The following PKD1 variants were observed in gnomAD, a reference collection of about 807,000 sequenced individuals.
The protein encoded by PKD1 is polycystin-1.
PKD1 carries 81 observed loss-of-function variants against 361.7 expected under a neutral mutation model. The ratio of observed to expected loss-of-function variants is 0.22; its 90% CI spans 0.19 to 0.27. PKD1 has a LOEUF of 0.27. PKD1 is among the 10% of genes least tolerant of loss of function. PKD1 has a pLI of 1.00. For missense variants in PKD1, 6,399 were observed against 6,118.3 expected (o/e 1.05, Z -1.53); for synonymous variants, 3,615 against 2,818.3 (o/e 1.28, Z -8.95).
chr16:2,112,166 A>G (rs964035505), intron 14 of PKD1, among the ~76,000 whole-genome samples, 174 bp downstream of exon 14: 4 of 151,674 alleles, frequency 2.6e-5, no homozygotes, highest in African/African-American at 9.7e-5. Context: ...TTCCCTGTCC[A>G]CTCCCCCCAC....
At chr16:2,092,752 G>T in intron 38 of PKD1, 160 bp from the exon 39 acceptor site, 2 of 834,308 alleles carry the variant, frequency 2.4e-6, no homozygotes, top group Non-Finnish European at 4.0e-6. Flanking sequence ...GGGGCAGACA[G>T]TTGTCTGTCA....
chr16:2,111,653 G>T lies in PKD1; in HGVS notation c.3514C>A (p.Gln1172Lys), dbSNP rs779269089. The T allele has an allele frequency of 1.9e-6, 3 of 1,574,358 alleles. No individual in the cohort carries two copies. The South Asian group carries it at 3.5e-5, about 18-fold the overall frequency. The change falls in exon 15 of 46, where the codon CAG (glutamine) becomes AAG (lysine). Residue 1172 changes from glutamine (Q) to lysine (K), a missense_variant. By Grantham distance (53) the Gln-to-Lys change is moderately conservative. Transcript: ENST00000262304. ...GTGTGGTTGGCAGCCGGCTGGCTCT[G>T]GGTCAGGACAGGGGAGCCGTCCCCG... ...DFGDGSPVLT[Q>K]SQPAANHTYA...
rs1264514630 is a variant in PKD1, at chr16:2,129,996, A to C, written c.215+5479T>G. On this transcript the variant is annotated intron_variant, in intron 1 of 45. Coordinates refer to ENST00000262304, the MANE Select transcript of PKD1 (RefSeq NM_001009944.3). Reference sequence around the variant, plus strand: ...GGAGCTCGGGTGCCCCACATTCCCAACTGCTGCAGACACAACCAAAGCCTC... The same window carrying C: ...GGAGCTCGGGTGCCCCACATTCCCACCTGCTGCAGACACAACCAAAGCCTC... Among the ~76,000 whole-genome samples the C allele has an allele frequency of 4.6e-5, 7 of 152,154 alleles. No individual in the cohort carries two copies. The South Asian group carries it at 1.2e-3, about 27-fold the overall frequency.
In PKD1 at chr16:2,110,544, A is replaced by G. The variant is rs751989000; in HGVS notation, c.4623T>C (p.Asn1541=). ...NEVSRSEAWL[N]VTVKRRVRGL... is the part of the protein sequence containing the mutation. ...CCCGCACGCGCCGCTTCACCGTCAC[A>G]TTGAGCCAGGCCTCGCTGCGGCTCA... The change falls in exon 15 of 46, where the codon AAT becomes AAC. Residue 1541 remains asparagine (N), a synonymous_variant. Transcript: ENST00000262304. 1.2e-6 allele frequency: 2 copies of G among 1,611,704 alleles called. No individual in the cohort carries two copies. Among genetic ancestry groups the G allele is most frequent in the Admixed American group, 1.7e-5 (1 of 60,014 alleles).
chr16:2,120,256 G>A (rs1313727645), intron 1 of PKD1: 3 of 189,630 alleles, frequency 1.6e-5, no homozygotes, highest in Non-Finnish European at 2.2e-5. Flanking sequence ...AAACATCAAA[G>A]ACCAGCCGAC....
rs748404236 is a variant in PKD1, at chr16:2,103,462, C to G, written c.8595G>C (p.Arg2865=). The change falls in exon 23 of 46, where the codon CGG becomes CGC. Residue 2865 remains arginine, a synonymous_variant. Transcript: ENST00000262304. ...CGGTGATGGCGCGCTCTGAGGCCAGCCGCTCGATGGGGATCTGGGCGCCGG... is the reference window on the plus strand; with the variant it reads ...CGGTGATGGCGCGCTCTGAGGCCAGGCGCTCGATGGGGATCTGGGCGCCGG... ...TQAGAQIPIE[R]LASERAITVK... The G allele has an allele frequency of 1.9e-6, 3 of 1,600,060 alleles. No homozygotes were observed. Among genetic ancestry groups the G allele is most frequent in the South Asian group, 1.1e-5 (1 of 90,990 alleles).
intron 14 of PKD1, 107 bp from the exon 15 acceptor site, chr16:2,111,978 C>A (rs2092521439): frequency 3.3e-6 from 4 of 1,218,746 alleles, no homozygotes; most frequent in Admixed American, 3.9e-5. Context: ...GCTGCACCTG[C>A]GGCCCAGCCT....
In PKD1 at chr16:2,102,897, G is replaced by C. The variant is rs1199361266; in HGVS notation, c.8865C>G (p.His2955Gln). The change falls in exon 24 of 46, where the codon CAC becomes CAG. Residue 2955 changes from histidine (H) to glutamine (Q), a missense_variant. By Grantham distance (24) the His-to-Gln change is conservative. Transcript: ENST00000262304. ...YLHSEPRPNE[H>Q]NCSASRRIRP... ...GGATCCTCCTGCTAGCCGAGCAGTTGTGCTCATTGGGCCGGGGCTCCGAGT... is the reference window on the plus strand; with the variant it reads ...GGATCCTCCTGCTAGCCGAGCAGTTCTGCTCATTGGGCCGGGGCTCCGAGT... 1.2e-6 allele frequency: 2 copies of C among 1,609,894 alleles called. No individual in the cohort carries two copies. Among genetic ancestry groups the C allele is most frequent in the African/African-American group, 1.3e-5 (1 of 74,870 alleles).
Position 2,110,015 on chromosome 16 carries a change from C to G in PKD1, c.5152G>C (p.Val1718Leu). Residue 1718 changes from valine (V) to leucine (L), a missense_variant, in exon 15 of 46, where the codon GTG becomes CTG. Coordinates refer to ENST00000262304, the MANE Select transcript of PKD1 (RefSeq NM_001009944.3). The part of the protein sequence containing the change: ...ADCTMDFVEP[V>L]GWLMVAASPN... ...GAGGCGGCCACCATCAGCCACCCCA[C>G]AGGCTCCACGAAGTCCATGGTGCAG... The G allele has an allele frequency of 6.2e-7, 1 of 1,610,434 alleles. No homozygotes were observed. Among genetic ancestry groups the G allele is most frequent in the Non-Finnish European group, 8.5e-7 (1 of 1,179,642 alleles).
chr16:2,090,557 C>A lies in PKD1; in HGVS notation c.12172G>T (p.Val4058Leu). The change falls in exon 45 of 46, where the codon GTG (valine) becomes TTG (leucine). Residue 4058 changes from valine (V) to leucine (L), a missense_variant. Val to Leu is a conservative substitution (Grantham distance 32, BLOSUM62 1). Transcript: ENST00000262304. ...VSSCVDSLWSVAQALLVLCPG... is the reference protein window; with the variant it reads ...VSSCVDSLWSLAQALLVLCPG... ...CACAGCACCAACAGGGCCTGGGCCA[C>A]GCTCCAGAGGGAGTCCACACAGGAA... The A allele has an allele frequency of 6.2e-7, 1 of 1,609,226 alleles. No homozygotes were observed. Among genetic ancestry groups the A allele is most frequent in the Non-Finnish European group, 8.5e-7 (1 of 1,179,532 alleles).
chr16:2,107,425 G>C (rs1438433041), intron 16 of PKD1: 2 of 359,704 alleles, frequency 5.6e-6, no homozygotes, highest in Non-Finnish European at 1.1e-5. Context: ...AGGAAAGCAG[G>C]GACTGGGGAA....
At position 2,111,116 on chromosome 16, in the gene PKD1, G is replaced by A. The variant is rs55840049; in HGVS notation, c.4051C>T (p.Arg1351Trp). ...AGCGCCAGGGGGAACGTGCCGCTCC[G>A]CGTGAAGTTGTGTGTCACCGTCGGG... ...GCPTVTHNFT[R>W]SGTFPLALVL... Residue 1351 changes from arginine (R) to tryptophan (W), a missense_variant, in exon 15 of 46, where the codon CGG (arginine) becomes TGG (tryptophan). Physicochemically the swap from Arg to Trp is moderately radical, Grantham distance 101. Coordinates refer to ENST00000262304, the MANE Select transcript of PKD1 (RefSeq NM_001009944.3). 9.6e-4 allele frequency: 1,546 copies of A among 1,610,818 alleles called. 13 individuals carry two copies. In the African/African-American group the frequency reaches 0.016, roughly 17 times the overall value.
chr16:2,118,841 G>A lies in PKD1; in HGVS notation c.364C>T (p.Leu122=). The part of the protein sequence containing the change: ...ANLFNLSEIN[L]SGNPFECDCG... ...TCACACTCAAACGGGTTCCCACTCA[G>A]GTTTCTGCAGGGCAGGGGCAGGTGT... The change falls in exon 4 of 46, where the codon CTG becomes TTG. Residue 122 remains leucine, a synonymous_variant. Transcript: ENST00000262304. The surrounding 1 kb of genome is among the most constrained non-coding windows in gnomAD (Gnocchi z 6.0). The A allele has an allele frequency of 6.3e-7, 1 of 1,595,784 alleles. No individual in the cohort carries two copies. Among genetic ancestry groups the A allele is most frequent in the Non-Finnish European group, 8.5e-7 (1 of 1,179,036 alleles).
intron 8 of PKD1, 92 bp from the exon 9 acceptor site, chr16:2,116,210 G>A (rs373322062): frequency 8.1e-6 from 11 of 1,366,212 alleles, no homozygotes; most frequent in South Asian, 3.7e-5. Context: ...AAGAGGGGAG[G>A]GAAGGAGAGC....
intron 34 of PKD1, among the ~76,000 whole-genome samples, chr16:2,096,389 G>A (rs561759899): frequency 2.0e-5 from 3 of 152,394 alleles, no homozygotes; most frequent in African/African-American, 4.8e-5. Context: ...GGGGTCACAC[G>A]CGTGGGAACA....
chr16:2,116,138 C>T lies in PKD1; in HGVS notation c.1723-20G>A, dbSNP rs530004714. On this transcript the variant is annotated intron_variant, in intron 8 of 45. Transcript: ENST00000262304. Reference sequence around the variant, plus strand: ...CATGACCTGGTGGGCAGGGGGCCGCCTCAGCTCCACAGACCCCATCCCAGC... The same window carrying T: ...CATGACCTGGTGGGCAGGGGGCCGCTTCAGCTCCACAGACCCCATCCCAGC... 2.1e-5 allele frequency: 32 copies of T among 1,558,180 alleles called. No individual in the cohort carries two copies. In the South Asian group the frequency reaches 3.7e-4, roughly 18 times the overall value.
Position 2,106,510 on chromosome 16 carries a change from G to C in PKD1, c.7377C>G (p.Gly2459=). 1 of 1,594,982 alleles carries C rather than the reference G, an allele frequency of 6.3e-7. No homozygotes were observed. Among genetic ancestry groups the C allele is most frequent in the Non-Finnish European group, 8.5e-7 (1 of 1,178,170 alleles). The change falls in exon 18 of 46, where the codon GGC becomes GGG. Residue 2459 remains glycine, a synonymous_variant. Coordinates refer to ENST00000262304, the MANE Select transcript of PKD1 (RefSeq NM_001009944.3). The surrounding 1 kb of genome is among the most constrained non-coding windows in gnomAD (Gnocchi z 6.5). ...TGGGGGACAGGCGGATGGAGGCGCAGCCCTCCTCCTCGCCAGAGCGGCCCA... is the reference window on the plus strand; with the variant it reads ...TGGGGGACAGGCGGATGGAGGCGCACCCCTCCTCCTCGCCAGAGCGGCCCA... ...TVLGRSGEEE[G]CASIRLSPNR...
rs201131291 is a variant in PKD1 at position 2,094,077 on chromosome 16, G to C, written c.10618+15C>G. 6.3e-6 allele frequency: 10 copies of C among 1,586,256 alleles called. No individual in the cohort carries two copies. The highest frequency in any genetic ancestry group is 8.6e-6 in the Non-Finnish European group (10 of 1,163,654). Reference sequence around the variant, plus strand: ...AGGGAGGGGCTAGGGGCATCCCGGGGCTACGCAAGCACACCTGTCCTGGAC... The same window carrying C: ...AGGGAGGGGCTAGGGGCATCCCGGGCCTACGCAAGCACACCTGTCCTGGAC... On this transcript the variant is annotated intron_variant, in intron 35 of 45. Transcript: ENST00000262304.
rs2091402614 is a variant in PKD1, at chr16:2,090,029, G to A, written c.12610C>T (p.Leu4204=). 1 of 1,610,830 alleles carries A rather than the reference G, an allele frequency of 6.2e-7. No homozygotes were observed. The highest frequency in any genetic ancestry group is 8.5e-7 in the Non-Finnish European group (1 of 1,179,222). The change falls in exon 46 of 46, where the codon CTG becomes TTG. Residue 4204 remains leucine (L), a synonymous_variant. Transcript: ENST00000262304. ...GGCTCAGGCTCACACCTTGTCCCCA[G>A]CCGGCCCAGGCTCACGCTCAGCCCA... is the stretch of plus-strand genomic sequence containing the variant. ...LDGLSVSLGR[L]GTRCEPEPSR...
Sources: gnomAD v4.1 joint callset for allele counts (sites outside exome capture counted in the v4.1 genomes callset) on GRCh38, gnomAD v4.1.1 for gene constraint, Gnocchi (gnomAD v3.1) non-coding constraint, MANE v1.5 for transcripts, NCBI Gene and HGNC (gene_info 2026-07-23, HGNC 2026-07-21) for gene names.